Variants in SV2C observed in about 807,000 individuals in gnomAD.
SV2C encodes solute carrier family 22 member B3.
In SV2C, 49 loss-of-function variants were observed where a neutral mutation model predicts 79.7. That is an observed-to-expected ratio of 0.61 (90% CI 0.49 to 0.78). The LOEUF (loss-of-function observed/expected upper bound fraction) is 0.78. SV2C is among the 30% of genes least tolerant of loss of function. SV2C has a pLI of 0.00. For synonymous variants in SV2C, 334 were observed against 333.2 expected, an observed-to-expected ratio of 1.00 and a Z score of -0.03; for missense variants, 833 against 912.9, an observed-to-expected ratio of 0.91 and a Z score of 1.13.
chr5:76,068,438 A>G, the SV2C span, among the ~76,000 whole-genome samples: 3,092 of 152,076 alleles, frequency 0.02, 46 homozygotes, highest in South Asian at 0.049. Context: ...GCCATATCCA[A>G]TTTGCTGGGA....
the SV2C span, among the ~76,000 whole-genome samples, chr5:75,864,797 A>G: frequency 3.3e-5 from 5 of 152,352 alleles, no homozygotes; most frequent in East Asian, 1.9e-4. Flanking sequence ...AGATTGGCTG[A>G]TAGCCTTTTG....
At chr5:76,343,258 A>G (rs568593298) in intron 12 of SV2C, among the ~76,000 whole-genome samples, 6 of 152,326 alleles carry the variant, frequency 3.9e-5, no homozygotes, top group Admixed American at 6.5e-5. Context: ...AGACATCATT[A>G]AAGGAGTAAA....
intron 3 of SV2C, among the ~76,000 whole-genome samples, chr5:76,206,806 C>T (rs1020722616): frequency 2.0e-5 from 3 of 152,152 alleles, no homozygotes; most frequent in Non-Finnish European, 4.4e-5. Flanking sequence ...CACAGTAGGA[C>T]AAGGAGTAAT....
the SV2C span, among the ~76,000 whole-genome samples, chr5:75,959,250 C>T: frequency 6.6e-6 from 1 of 151,936 alleles, no homozygotes; most frequent in Non-Finnish European, 1.5e-5. Flanking sequence ...TTTAGCGGGG[C>T]AGACTGTCCT....
At chr5:76,029,648 T>C in the SV2C span, among the ~76,000 whole-genome samples, 1 of 152,022 alleles carries the variant, frequency 6.6e-6, no homozygotes, top group East Asian at 1.9e-4. Flanking sequence ...TTACACTTAT[T>C]AGAAAGTCTC....
intron 12 of SV2C, among the ~76,000 whole-genome samples, chr5:76,352,209 T>A (rs1301375958): frequency 6.6e-6 from 1 of 151,946 alleles, no homozygotes; most frequent in Admixed American, 6.6e-5. Context: ...TGAGACTCTG[T>A]CTTAAAACAA....
chr5:76,325,347 G>A lies in SV2C; in HGVS notation c.2001-17G>A, dbSNP rs1748960150. 6.2e-7 allele frequency: 1 copy of A among 1,613,250 alleles called. No individual in the cohort carries two copies. Among genetic ancestry groups the A allele is most frequent in the African/African-American group, 1.3e-5 (1 of 74,882 alleles). On this transcript the variant is annotated splice_polypyrimidine_tract_variant and intron_variant, in intron 12 of 12. Transcript: ENST00000502798. Reference sequence around the variant, plus strand: ...GAGGCATTTTCTCAACCTTGTTCATGTCTCTTTCCTTTGCAGGGCAACAGG... The same window carrying A: ...GAGGCATTTTCTCAACCTTGTTCATATCTCTTTCCTTTGCAGGGCAACAGG...
the SV2C span, among the ~76,000 whole-genome samples, chr5:75,971,078 T>A: frequency 1.3e-5 from 2 of 152,046 alleles, no homozygotes; most frequent in African/African-American, 4.8e-5. Flanking sequence ...AAAAACCACA[T>A]GATTATCTCA....
chr5:75,978,887 C>G, the SV2C span, among the ~76,000 whole-genome samples: 17,889 of 151,888 alleles, frequency 0.12, 3,043 homozygotes, highest in African/African-American at 0.38. Flanking sequence ...GAGGCTGAGG[C>G]AGGAGGATTG....
chr5:76,347,122 A>G (rs1344034599), intron 12 of SV2C, among the ~76,000 whole-genome samples: 3 of 100,420 alleles, frequency 3.0e-5, no homozygotes, highest in Non-Finnish European at 5.6e-5. Context: ...CTGAGCTGTG[A>G]TGGAGGCCTC....
chr5:76,189,580 A>G lies in SV2C; in HGVS notation c.581-5339A>G, dbSNP rs115211469. On this transcript the variant is annotated intron_variant, in intron 2 of 12. Coordinates refer to ENST00000502798, the MANE Select transcript of SV2C (RefSeq NM_014979.4). ...CAAAAATATAAATATGTATGTAAAT[A>G]TGGTGTTTTAACCTATAAGCATACA... Among the ~76,000 whole-genome samples, 571 of 152,336 alleles carry G rather than the reference A, an allele frequency of 3.7e-3. 3 individuals are homozygous for G. The highest frequency in any genetic ancestry group is 0.013 in the African/African-American group (551 of 41,562).
chr5:76,308,726 T>A (rs1333372828), intron 12 of SV2C, among the ~76,000 whole-genome samples: 1 of 152,164 alleles, frequency 6.6e-6, no homozygotes, highest in Admixed American at 6.5e-5. Context: ...ATCCCCAAGC[T>A]CCCTAGCAGT....
the SV2C span, among the ~76,000 whole-genome samples, chr5:76,078,250 T>G: frequency 4.6e-5 from 7 of 152,164 alleles, no homozygotes; most frequent in Non-Finnish European, 1.0e-4. Context: ...GAGAGGGTTG[T>G]GGGAGAGCAG....
At chr5:75,906,233 C>A in the SV2C span, among the ~76,000 whole-genome samples, 3 of 152,096 alleles carry the variant, frequency 2.0e-5, no homozygotes, top group Admixed American at 1.3e-4. Context: ...AGACTTCTGG[C>A]CTCCAGAACT....
In SV2C at chr5:76,332,149, T is replaced by G. The variant is rs957091747; in HGVS notation, c.*6602T>G. 3.3e-5 allele frequency: 5 copies of G among 152,230 alleles called. No homozygotes were observed. The East Asian group carries it at 9.6e-4, about 29-fold the overall frequency. The allele number at this position is 152,230 out of a possible 1,614,324, so 9.4% of individuals were successfully genotyped here. ...TGCTGAAATTGCTGAGATTGTCCAC[T>G]CTCTGCCTACTTTATTGCATTCATG... On this transcript the variant is annotated 3_prime_UTR_variant, in exon 13 of 13. Transcript: ENST00000502798.
rs1477831931 is a variant in SV2C, at chr5:76,131,982, G to A, written c.232G>A (p.Ala78Thr). Residue 78 changes from alanine to threonine, a missense_variant, in exon 2 of 13, where the codon GCC (alanine) becomes ACC (threonine). Physicochemically the swap from Ala to Thr is moderately conservative, Grantham distance 58. Coordinates refer to ENST00000502798, the MANE Select transcript of SV2C (RefSeq NM_014979.4). ...EANDDEGSSE[A>T]TEGHDEDDEI... ...CAACGATGACGAAGGCTCAAGTGAA[G>A]CCACTGAGGGGCATGATGAAGATGA... 6.2e-7 allele frequency: 1 copy of A among 1,613,802 alleles called. No individual in the cohort carries two copies. The highest frequency in any genetic ancestry group is 1.7e-5 in the Admixed American group (1 of 59,986).
chr5:76,117,229 A>T (rs1445049527), intron 1 of SV2C, among the ~76,000 whole-genome samples: 2 of 152,180 alleles, frequency 1.3e-5, no homozygotes, highest in Non-Finnish European at 2.9e-5. Context: ...TTTTGAGAAA[A>T]CTATATGCAA....
intron 4 of SV2C, among the ~76,000 whole-genome samples, chr5:76,275,382 G>T (rs1045089888): frequency 6.6e-6 from 1 of 151,998 alleles, no homozygotes; most frequent in African/African-American, 2.4e-5. Context: ...AACTACTCGG[G>T]AGGCTGAGGT....
the SV2C span, among the ~76,000 whole-genome samples, chr5:76,058,468 G>A: frequency 3.3e-5 from 5 of 152,064 alleles, no homozygotes; most frequent in Admixed American, 6.6e-5. Context: ...ACAAAGTCAG[G>A]TTTATTTGCT....
Sources: gnomAD v4.1 joint callset for allele counts (sites outside exome capture counted in the v4.1 genomes callset) on GRCh38, gnomAD v4.1.1 for gene constraint, MANE v1.5 for transcripts, NCBI Gene and HGNC (gene_info 2026-07-23, HGNC 2026-07-21) for gene names.